Variants in ART3 observed in about 807,000 individuals in gnomAD.
ART3 encodes ecto-ADP-ribosyltransferase 3.
ART3 carries 49 observed loss-of-function variants against 48.5 expected under a neutral mutation model. The observed-to-expected ratio is 1.01, with a 90% CI of 0.80 to 1.28. ART3 has a LOEUF of 1.28. ART3 is among the 50% of genes most tolerant of loss of function. The pLI is 0.00. For synonymous variants in ART3, 145 were observed against 157.2 expected, an observed-to-expected ratio of 0.92 and a Z score of 0.58; for missense variants, 438 against 454.3, an observed-to-expected ratio of 0.96 and a Z score of 0.33.
chr4:76,094,258 T>A (rs1434226678), intron 3 of ART3, among the ~76,000 whole-genome samples: 1 of 152,232 alleles, frequency 6.6e-6, no homozygotes, highest in Non-Finnish European at 1.5e-5. Flanking sequence ...ACAACACCTT[T>A]AACTATTTTT....
chr4:76,066,807 T>C (rs1029581649), intron 1 of ART3, among the ~76,000 whole-genome samples: 11 of 152,172 alleles, frequency 7.2e-5, no homozygotes, highest in Admixed American at 7.2e-4. Flanking sequence ...CGTGGGACTC[T>C]GCCTCCTACT....
At chr4:76,095,437 G>C (rs1330247930) in intron 3 of ART3, among the ~76,000 whole-genome samples, 1 of 152,162 alleles carries the variant, frequency 6.6e-6, no homozygotes, top group Non-Finnish European at 1.5e-5. Flanking sequence ...GAACCCAGGA[G>C]GCGGAGGTTG....
intron 1 of ART3, among the ~76,000 whole-genome samples, chr4:76,045,491 C>T (rs1262358245): frequency 3.3e-5 from 5 of 151,932 alleles, no homozygotes; most frequent in East Asian, 1.9e-4. Context: ...CTAAGACAGC[C>T]GCTGCTGCAA....
intron 1 of ART3, chr4:76,034,887 T>C (rs1734210108): frequency 8.4e-6 from 12 of 1,429,712 alleles, no homozygotes; most frequent in Non-Finnish European, 1.2e-5. Context: ...TAAAAACATG[T>C]AGTAAGAAGG....
At chr4:76,019,129 T>TG (rs1293927361) in intron 1 of ART3, among the ~76,000 whole-genome samples, 2 of 151,328 alleles carry the variant, frequency 1.3e-5, no homozygotes, top group Non-Finnish European at 2.9e-5. Flanking sequence ...AGATTCTTTG[T>TG]GAAAAAAATG....
chr4:76,094,977 A>C lies in ART3; in HGVS notation c.782-2667A>C, dbSNP rs562416533. ...ATTAGTAGGCATAAAGCTGTTCATA[A>C]TATTCTCATATCTTTTTACATCTGC... is the stretch of plus-strand genomic sequence containing the variant. On this transcript the variant is annotated intron_variant, in intron 3 of 11. Transcript: ENST00000355810. Among the ~76,000 whole-genome samples the C allele has an allele frequency of 3.3e-5, 5 of 152,332 alleles. No individual in the cohort carries two copies. The South Asian group carries it at 1.0e-3, about 32-fold the overall frequency.
At chr4:76,109,199 A>G (rs879002666) in intron 11 of ART3, among the ~76,000 whole-genome samples, 3 of 152,224 alleles carry the variant, frequency 2.0e-5, no homozygotes, top group African/African-American at 7.2e-5. Context: ...CAGTAGTACA[A>G]AAATATTTTT....
intron 1 of ART3, among the ~76,000 whole-genome samples, chr4:76,049,190 T>C (rs993709732): frequency 6.6e-6 from 1 of 151,918 alleles, no homozygotes; most frequent in African/African-American, 2.4e-5. Context: ...TCCTGGAGTT[T>C]ATACTATAAA....
chr4:76,024,715 G>T (rs1024725442), intron 1 of ART3, among the ~76,000 whole-genome samples: 2 of 152,198 alleles, frequency 1.3e-5, no homozygotes, highest in African/African-American at 4.8e-5. Context: ...TGCAATGAGA[G>T]ATCTGAGGCA....
At chr4:76,102,079 A>G (rs755939355) in intron 8 of ART3, among the ~76,000 whole-genome samples, 6 of 152,256 alleles carry the variant, frequency 3.9e-5, no homozygotes, top group African/African-American at 7.2e-5. Flanking sequence ...ATTCCATAGA[A>G]TAAGCATTCA....
At chr4:76,105,417 A>T (rs2149701923) in intron 10 of ART3, 3 of 1,070,738 alleles carry the variant, frequency 2.8e-6, no homozygotes, top group African/African-American at 3.3e-5. Context: ...TGCAGGACTG[A>T]TGAGATAAAG....
At chr4:76,040,699 T>G (rs1436796215) in intron 1 of ART3, among the ~76,000 whole-genome samples, 2 of 152,128 alleles carry the variant, frequency 1.3e-5, no homozygotes, top group African/African-American at 4.8e-5. Context: ...CCCTCCCCCA[T>G]GTAGACACAT....
intron 1 of ART3, among the ~76,000 whole-genome samples, chr4:76,029,958 C>G (rs901696915): frequency 4.6e-5 from 7 of 152,194 alleles, no homozygotes; most frequent in African/African-American, 1.7e-4. Context: ...CAGAACTATT[C>G]TTTCAGACCT....
chr4:76,022,800 T>G, intron 1 of ART3: 1 of 1,610,830 alleles, frequency 6.2e-7, no homozygotes, highest in Admixed American at 1.7e-5. Context: ...CAGCGTACAG[T>G]TCTAGAGAGA....
chr4:76,059,776 A>G lies in ART3; in HGVS notation c.-9-16105A>G, dbSNP rs769045169. 3.9e-5 allele frequency among the ~76,000 whole-genome samples: 6 copies of G among 152,348 alleles called. No individual in the cohort carries two copies. In the South Asian group the frequency reaches 6.2e-4, roughly 16 times the overall value. ...AAGCACAGGAGGATTTACTTAAGAGAAAAAGCAGGCAAACTTTATAAACAC... is the reference window on the plus strand; with the variant it reads ...AAGCACAGGAGGATTTACTTAAGAGGAAAAGCAGGCAAACTTTATAAACAC... On this transcript the variant is annotated intron_variant, in intron 1 of 9. Coordinates refer to the ART3 transcript ENST00000341029.
chr4:76,069,473 T>A (rs1720098747), intron 1 of ART3, among the ~76,000 whole-genome samples: 2 of 146,352 alleles, frequency 1.4e-5, no homozygotes, highest in African/African-American at 2.5e-5. Context: ...CACTGCAACC[T>A]TCACCTTCCG....
chr4:76,100,198 A>G (rs1578577449), intron 5 of ART3, 93 bp from the exon 6 acceptor site: 2 of 1,300,572 alleles, frequency 1.5e-6, no homozygotes, highest in Non-Finnish European at 2.2e-6. Flanking sequence ...CTTTATAGTC[A>G]TATTTCCTGA....
chr4:76,036,137 GGA>G, intron 1 of ART3: 1 of 638,660 alleles, frequency 1.6e-6, no homozygotes, highest in Non-Finnish European at 2.7e-6. Context: ...TTATGGCACA[GGA>G]ATTTCCCTCT....
chr4:76,052,493 T>A (rs1487287615), intron 1 of ART3, among the ~76,000 whole-genome samples: 1 of 152,128 alleles, frequency 6.6e-6, no homozygotes, highest in Non-Finnish European at 1.5e-5. Context: ...ACAAATATAA[T>A]TTTGTTACAT....
Sources: allele counts gnomAD v4.1 joint callset (sites outside exome capture counted in the v4.1 genomes callset), GRCh38; gene constraint gnomAD v4.1.1; transcripts MANE v1.5; gene names NCBI Gene and HGNC (gene_info 2026-07-23, HGNC 2026-07-21).